The following ATXN1 variants were observed in gnomAD, a reference collection of about 807,000 sequenced individuals.
ATXN1 encodes the protein ataxin 1.
In ATXN1, 8 loss-of-function variants were observed where a neutral mutation model predicts 56.4. The ratio of observed to expected loss-of-function variants is 0.14; its 90% CI spans 0.08 to 0.26. The LOEUF (loss-of-function observed/expected upper bound fraction) is 0.26, where lower values mean the gene tolerates loss of function less well. Ranked by LOEUF, ATXN1 falls within the 10% of genes least tolerant of loss-of-function variation. The probability of loss-of-function intolerance (pLI) is 1.00; values close to 1 mark genes in which losing one functional copy is unlikely to be tolerated. For synonymous variants in ATXN1, 514 were observed against 494.6 expected, an observed-to-expected ratio of 1.04 and a Z score of -0.52; for missense variants, 987 against 1,106.5, an observed-to-expected ratio of 0.89 and a Z score of 1.53.
intron 4 of ATXN1, among the ~76,000 whole-genome samples, chr6:16,531,875 T>A (rs956955609): frequency 1.7e-4 from 26 of 152,244 alleles, no homozygotes; most frequent in African/African-American, 6.3e-4. Flanking sequence ...TCAAAGTGAA[T>A]AGCTTGCAGT....
chr6:16,570,457 G>A (rs1207802070), intron 4 of ATXN1, among the ~76,000 whole-genome samples: 2 of 152,080 alleles, frequency 1.3e-5, no homozygotes, highest in East Asian at 1.9e-4. Flanking sequence ...TTCCCAAGAA[G>A]GTTTTTCCTA....
chr6:16,624,210 G>A (rs1332183790), intron 3 of ATXN1, among the ~76,000 whole-genome samples: 2 of 152,088 alleles, frequency 1.3e-5, no homozygotes, highest in Non-Finnish European at 2.9e-5. Flanking sequence ...AATTAGCCAG[G>A]CGTCGTGGCA....
chr6:16,332,611 G>A (rs994310936), intron 6 of ATXN1, among the ~76,000 whole-genome samples: 1 of 152,140 alleles, frequency 6.6e-6, no homozygotes, highest in Non-Finnish European at 1.5e-5. Flanking sequence ...AATTACCAGA[G>A]AGCCACATAT....
chr6:16,369,096 C>T (rs1413308557), intron 6 of ATXN1, among the ~76,000 whole-genome samples: 1 of 152,090 alleles, frequency 6.6e-6, no homozygotes, highest in African/African-American at 2.4e-5. Context: ...TCGTCCGTGC[C>T]CCCTCCCAAT....
Position 16,327,671 on chromosome 6 carries a change from G to GCTT in ATXN1, c.639_640insAAG (p.Gln213_Gln214insLys). The GCTT allele has an allele frequency of 6.4e-7, 1 of 1,552,978 alleles. No homozygotes were observed. The highest frequency in any genetic ancestry group is 8.6e-7 in the Non-Finnish European group (1 of 1,160,684). Reference sequence around the variant, plus strand: ...TGCTGCTGCTGCTGCTGCTGCTGCTGCTGCTGATGCTGATGCTGCTGCTGC... The same window carrying GCTT: ...TGCTGCTGCTGCTGCTGCTGCTGCTGCTTCTGCTGATGCTGATGCTGCTGCTGC... On this transcript the variant is annotated inframe_insertion, in exon 7 of 8. Coordinates refer to ENST00000436367, the MANE Select transcript of ATXN1 (RefSeq NM_001128164.2).
intron 3 of ATXN1, among the ~76,000 whole-genome samples, chr6:16,603,264 C>G (rs1762944109): frequency 1.3e-5 from 2 of 152,200 alleles, no homozygotes; most frequent in Non-Finnish European, 2.9e-5. Flanking sequence ...CTCCTTTCCC[C>G]TGGCTTTTCT....
intron 2 of ATXN1, among the ~76,000 whole-genome samples, chr6:16,689,305 T>G: frequency 6.6e-6 from 1 of 151,912 alleles, no homozygotes; most frequent in East Asian, 1.9e-4. Flanking sequence ...ATTTTTATTT[T>G]TTATATTGTT....
chr6:16,584,824 G>A (rs1762594184), intron 4 of ATXN1, among the ~76,000 whole-genome samples: 1 of 152,146 alleles, frequency 6.6e-6, no homozygotes, highest in Non-Finnish European at 1.5e-5. Flanking sequence ...GTTACCAAAA[G>A]CCGTAAAACT....
chr6:16,731,875 G>T (rs1419513467), intron 2 of ATXN1, among the ~76,000 whole-genome samples: 4 of 151,520 alleles, frequency 2.6e-5, no homozygotes, highest in African/African-American at 9.7e-5. Flanking sequence ...CATTTCCTGT[G>T]CTATTTAAAG....
chr6:16,313,454 G>T (rs1430990715), intron 7 of ATXN1, among the ~76,000 whole-genome samples: 1 of 152,154 alleles, frequency 6.6e-6, no homozygotes. Context: ...AAATGCTGTG[G>T]TGTGAACCAT....
At chr6:16,727,557 T>C (rs1759877535) in intron 2 of ATXN1, among the ~76,000 whole-genome samples, 1 of 152,158 alleles carries the variant, frequency 6.6e-6, no homozygotes, top group Non-Finnish European at 1.5e-5. Context: ...ACTTAATGAA[T>C]AGACTAAGAG....
In ATXN1 at chr6:16,301,691, T is replaced by C. The variant is rs972618626; in HGVS notation, c.*4638A>G. On this transcript the variant is annotated 3_prime_UTR_variant, in exon 8 of 8. Coordinates refer to ENST00000436367, the MANE Select transcript of ATXN1 (RefSeq NM_001128164.2). ...TGGCCCTGTTTTCACCTGGTGCAAA[T>C]TGAAGTGCAAAGGGTTTCAGAAGGC... 6.6e-6 allele frequency: 1 copy of C among 151,876 alleles called. No individual in the cohort carries two copies. Among genetic ancestry groups the C allele is most frequent in the African/African-American group, 2.4e-5 (1 of 41,142 alleles). The allele number at this position is 151,876 out of a possible 1,614,324, so 9.4% of individuals were successfully genotyped here.
At chr6:16,308,275 G>A (rs1357878818) in intron 7 of ATXN1, among the ~76,000 whole-genome samples, 5 of 151,106 alleles carry the variant, frequency 3.3e-5, no homozygotes, top group South Asian at 2.1e-4. Context: ...GCAGTGAACC[G>A]AGATCATGCC....
At chr6:16,722,543 A>T (rs920038718) in intron 2 of ATXN1, among the ~76,000 whole-genome samples, 2 of 152,192 alleles carry the variant, frequency 1.3e-5, no homozygotes, top group African/African-American at 4.8e-5. Flanking sequence ...GATTCCATAC[A>T]CTGAACCATC....
chr6:16,574,638 T>C (rs1762389942), intron 4 of ATXN1, among the ~76,000 whole-genome samples: 2 of 152,280 alleles, frequency 1.3e-5, no homozygotes, highest in South Asian at 2.1e-4. Flanking sequence ...AAGATAATTT[T>C]AGATTTACAG....
intron 2 of ATXN1, among the ~76,000 whole-genome samples, chr6:16,672,097 C>A (rs1414286532): frequency 1.3e-5 from 2 of 152,122 alleles, no homozygotes; most frequent in African/African-American, 4.8e-5. Flanking sequence ...TACTTTAAGG[C>A]CCAGGAATCT....
intron 4 of ATXN1, among the ~76,000 whole-genome samples, chr6:16,525,877 A>C (rs529051502): frequency 5.1e-4 from 77 of 151,832 alleles, no homozygotes; most frequent in Admixed American, 1.6e-3. Flanking sequence ...AACAAAATAA[A>C]ACTGTTCACT....
At chr6:16,427,256 T>C (rs1270438954) in intron 6 of ATXN1, among the ~76,000 whole-genome samples, 1 of 152,198 alleles carries the variant, frequency 6.6e-6, no homozygotes, top group Non-Finnish European at 1.5e-5. Context: ...TGGTGGGGGC[T>C]GTCCTGTGTG....
intron 2 of ATXN1, among the ~76,000 whole-genome samples, chr6:16,743,365 G>A (rs1426848807): frequency 1.3e-5 from 2 of 152,172 alleles, no homozygotes; most frequent in African/African-American, 4.8e-5. Context: ...ACTGTGTGAT[G>A]GACAAAGCAC....
Sources: gnomAD v4.1 joint callset for allele counts (sites outside exome capture counted in the v4.1 genomes callset) on GRCh38, gnomAD v4.1.1 for gene constraint, MANE v1.5 for transcripts, NCBI Gene and HGNC (gene_info 2026-07-23, HGNC 2026-07-21) for gene names.